MRI1: variants seen among roughly 807,000 people sequenced by gnomAD.
MRI1 encodes the protein methylthioribose-1-phosphate isomerase 1.
MRI1 carries 32 observed loss-of-function variants against 27.3 expected under a neutral mutation model. The observed-to-expected ratio is 1.17, with a 90% CI of 0.88 to 1.57. The LOEUF (loss-of-function observed/expected upper bound fraction) is 1.57. Among genes scored for constraint, MRI1 ranks in the 40% most tolerant of loss-of-function variants. The pLI is 0.00. For synonymous variants in MRI1, 216 were observed against 227.4 expected, an observed-to-expected ratio of 0.95 and a Z score of 0.45; for missense variants, 508 against 516.1, an observed-to-expected ratio of 0.98 and a Z score of 0.15.
chr19:13,767,346 C>A (rs1974160179), intron 3 of MRI1, among the ~76,000 whole-genome samples: 1 of 151,930 alleles, frequency 6.6e-6, no homozygotes, highest in East Asian at 1.9e-4. Context: ...AGTGCCCAGC[C>A]CACCCCTATA....
chr19:13,771,642 A>T (rs1013262112), intron 5 of MRI1, among the ~76,000 whole-genome samples: 2 of 152,176 alleles, frequency 1.3e-5, no homozygotes, highest in African/African-American at 4.8e-5. Context: ...CGGGCAGATC[A>T]CCTGAGGTCG....
Position 13,772,269 on chromosome 19 carries a change from AC to A in MRI1, c.1102del (p.Gln368ArgfsTer9). On this transcript the variant is annotated frameshift_variant, in exon 6 of 6. Coordinates refer to ENST00000040663, the MANE Select transcript of MRI1 (RefSeq NM_001031727.4). LOFTEE classifies it high-confidence loss of function. ...ISSRDGTLDG[P>X]QM Reference sequence around the variant, plus strand: ...CTTCCAGGGATGGAACCCTAGATGGACCCCAGATGTAACCAACTCAGCTCTC... The same window carrying A: ...CTTCCAGGGATGGAACCCTAGATGGACCCAGATGTAACCAACTCAGCTCTC... 6.2e-7 allele frequency: 1 copy of A among 1,612,618 alleles called. No homozygotes were observed. The highest frequency in any genetic ancestry group is 8.5e-7 in the Non-Finnish European group (1 of 1,179,360).
chr19:13,766,175 T>A, intron 3 of MRI1, 46 bp downstream of exon 3: 1 of 1,469,552 alleles, frequency 6.8e-7, no homozygotes, highest in Non-Finnish European at 9.1e-7. Flanking sequence ...TCTAGGAACT[T>A]TTTTAGATAC....
At position 13,764,772 on chromosome 19, in the gene MRI1, CGGCGGGG is replaced by C; in HGVS notation, c.132+53_132+59del. ...GCGGCGGGGCGGCGGGGCGGCGGGG[CGGCGGGG>C]CGGCGGGGCGGCGGGGCGGCGGGGC... On this transcript the variant is annotated intron_variant, in intron 1 of 5. Transcript: ENST00000040663. The C allele has an allele frequency of 1.4e-5, 4 of 285,184 alleles. 1 individual carries two copies. Among genetic ancestry groups the C allele is most frequent in the African/African-American group, 1.2e-4 (3 of 26,030 alleles). 17.7% of individuals were successfully genotyped at this position (285,184 alleles called of 1,614,324 possible).
chr19:13,767,204 G>C (rs1042285494), intron 3 of MRI1, among the ~76,000 whole-genome samples: 1 of 150,970 alleles, frequency 6.6e-6, no homozygotes, highest in Admixed American at 6.6e-5. Context: ...GAGCCACTAC[G>C]CCCAGCTAAT....
At chr19:13,768,346 G>A (rs949881347) in intron 3 of MRI1, 7 of 1,279,272 alleles carry the variant, frequency 5.5e-6, no homozygotes, top group Admixed American at 4.0e-5. Flanking sequence ...CCGAGAAGGT[G>A]TCCTTTAAAC....
At position 13,772,466 on chromosome 19, in the gene MRI1, A is replaced by G. The variant is rs1382680127; in HGVS notation, c.*185A>G. 2 of 541,646 alleles carry G rather than the reference A, an allele frequency of 3.7e-6. No individual in the cohort carries two copies. The highest frequency in any genetic ancestry group is 2.6e-5 in the South Asian group (1 of 38,772). The allele number at this position is 541,646 out of a possible 1,614,324, so 33.6% of individuals were successfully genotyped here. ...CCCAGATTCAAATCCTGACTCCGCC[A>G]CTTTTCCCACTGTATGATCTTGGGC... On this transcript the variant is annotated 3_prime_UTR_variant, in exon 6 of 6. Transcript: ENST00000040663.
intron 2 of MRI1, 70 bp downstream of exon 2, chr19:13,765,179 C>T: frequency 1.6e-6 from 2 of 1,269,602 alleles, no homozygotes; most frequent in Non-Finnish European, 2.1e-6. Context: ...TACAGTGACC[C>T]ACTATACAGA....
intron 3 of MRI1, among the ~76,000 whole-genome samples, chr19:13,767,861 C>CTTTTTTTTTCTTTTTTTTTTTTTTT (rs1974172817): frequency 1.6e-5 from 1 of 61,076 alleles, no homozygotes; most frequent in African/African-American, 7.8e-5. Context: ...TCTTTCTTTC[C>CTTTTTTTTTCTTTTTTTTTTTTTTT]TTTTTTTTTT....
At chr19:13,765,862 G>T in intron 2 of MRI1, 92 bp from the exon 3 acceptor site, 1 of 1,394,360 alleles carries the variant, frequency 7.2e-7, no homozygotes, top group Non-Finnish European at 9.7e-7. Flanking sequence ...TTGAGCAGGA[G>T]GGCTCCAGGA....
At chr19:13,768,397 C>T in intron 3 of MRI1, 164 bp from the exon 4 acceptor site, 1 of 1,528,286 alleles carries the variant, frequency 6.5e-7, no homozygotes, top group Non-Finnish European at 8.9e-7. Flanking sequence ...GAAGAGCATA[C>T]CAGGCAGAGG....
rs1261032413 is a variant in MRI1 at position 13,772,585 on chromosome 19, T to A, written c.*304T>A. 3 of 190,508 alleles carry A rather than the reference T, an allele frequency of 1.6e-5. No individual in the cohort carries two copies. Among genetic ancestry groups the A allele is most frequent in the Non-Finnish European group, 3.3e-5 (3 of 91,436 alleles). 11.8% of individuals were successfully genotyped at this position (190,508 alleles called of 1,614,324 possible). ...GGCTCACACCTGTAATCCCAGCACT[T>A]TGGGAGGCCGAGGCAGGTGGATCAC... On this transcript the variant is annotated 3_prime_UTR_variant, in exon 6 of 6. Coordinates refer to ENST00000040663, the MANE Select transcript of MRI1 (RefSeq NM_001031727.4).
At chr19:13,766,601 A>T (rs771804155) in intron 3 of MRI1, among the ~76,000 whole-genome samples, 1 of 152,050 alleles carries the variant, frequency 6.6e-6, no homozygotes, top group Non-Finnish European at 1.5e-5. Context: ...ACCAGGAGAC[A>T]GGGGGAGTGG....
chr19:13,772,194 G>A lies in MRI1; in HGVS notation c.1023G>A (p.Leu341=), dbSNP rs762488395. Residue 341 remains leucine, a synonymous_variant, in exon 6 of 6, where the codon CTG becomes CTA. Coordinates refer to ENST00000040663, the MANE Select transcript of MRI1 (RefSeq NM_001031727.4). ...DLITGGIITE[L]GVFAPEELRT... is the part of the protein sequence containing the mutation. Reference sequence around the variant, plus strand: ...TCACTGGTGGCATCATCACAGAACTGGGGGTCTTTGCCCCTGAGGAGCTCC... The same window carrying A: ...TCACTGGTGGCATCATCACAGAACTAGGGGTCTTTGCCCCTGAGGAGCTCC... 1 of 1,614,024 alleles carries A rather than the reference G, an allele frequency of 6.2e-7. No individual in the cohort carries two copies. The highest frequency in any genetic ancestry group is 8.5e-7 in the Non-Finnish European group (1 of 1,179,956).
At chr19:13,765,837 C>T (rs1028321211) in intron 2 of MRI1, 117 bp from the exon 3 acceptor site, 2 of 1,195,870 alleles carry the variant, frequency 1.7e-6, no homozygotes, top group Non-Finnish European at 2.4e-6. Flanking sequence ...CCAGGCCCCA[C>T]AGCAATGAGA....
In MRI1 at chr19:13,764,984, G is replaced by A. The variant is rs774280056; in HGVS notation, c.246G>A (p.Lys82=). 7.2e-6 allele frequency: 11 copies of A among 1,520,624 alleles called. No homozygotes were observed. In the South Asian group the frequency reaches 1.3e-4, roughly 19 times the overall value. 94.2% of individuals were successfully genotyped at this position (1,520,624 alleles called of 1,614,324 possible). The stretch of plus-strand genomic sequence containing the variant: ...CGCTCGTGGCCTTCGTGCGCGACAA[G>A]CTGAGCTTCCTCGTCACCGCCCGGC... The part of the protein sequence containing the change: ...LAALVAFVRD[K]LSFLVTARPT... The change falls in exon 2 of 6, where the codon AAG becomes AAA. Residue 82 remains lysine, a synonymous_variant. Transcript: ENST00000040663.
intron 3 of MRI1, 49 bp downstream of exon 3, chr19:13,766,178 T>C (rs757388579): frequency 6.8e-7 from 1 of 1,468,644 alleles, no homozygotes; most frequent in Non-Finnish European, 9.1e-7. Flanking sequence ...AGGAACTTTT[T>C]TAGATACAAG....
Position 13,766,077 on chromosome 19 carries a change from G to C in MRI1, c.495G>C (p.Leu165=), listed in dbSNP as rs936754336. 7 of 1,612,502 alleles carry C rather than the reference G, an allele frequency of 4.3e-6. No individual in the cohort carries two copies. Among genetic ancestry groups the C allele is most frequent in the Non-Finnish European group, 5.9e-6 (7 of 1,179,540 alleles). Residue 165 remains leucine, a synonymous_variant, in exon 3 of 6, where the codon CTG becomes CTC. Coordinates refer to ENST00000040663, the MANE Select transcript of MRI1 (RefSeq NM_001031727.4). The part of the protein sequence containing the change: ...VAPSGGKVTV[L]THCNTGALAT... ...CCAGCGGTGGCAAGGTGACTGTGCT[G>C]ACCCACTGTAACACTGGTGCTCTGG...
At chr19:13,771,727 A>G (rs1235191186) in intron 5 of MRI1, among the ~76,000 whole-genome samples, 3 of 151,532 alleles carry the variant, frequency 2.0e-5, no homozygotes, top group African/African-American at 7.3e-5. Flanking sequence ...ATGGTGGTGC[A>G]TGCCTGTAAT....
Sources: gnomAD v4.1 joint callset for allele counts (sites outside exome capture counted in the v4.1 genomes callset) on GRCh38, gnomAD v4.1.1 for gene constraint, MANE v1.5 for transcripts, NCBI Gene and HGNC (gene_info 2026-07-23, HGNC 2026-07-21) for gene names.